The following PEPD variants were observed in gnomAD, a reference collection of about 807,000 sequenced individuals.
PEPD encodes peptidase D, also known as xaa-Pro dipeptidase.
PEPD carries 53 observed loss-of-function variants against 60.7 expected under a neutral mutation model. The ratio of observed to expected loss-of-function variants is 0.87; its 90% CI spans 0.70 to 1.10. The LOEUF (loss-of-function observed/expected upper bound fraction) is 1.10. Ranked by LOEUF, PEPD falls within the 50% of genes least tolerant of loss-of-function variation. PEPD has a pLI of 0.00. For missense variants in PEPD, 711 were observed against 711.9 expected, an observed-to-expected ratio of 1.00 and a Z score of 0.01; for synonymous variants, 267 against 284.1, an observed-to-expected ratio of 0.94 and a Z score of 0.60.
At chr19:33,505,122 G>A (rs1400469418) in intron 3 of PEPD, among the ~76,000 whole-genome samples, 3 of 152,186 alleles carry the variant, frequency 2.0e-5, no homozygotes, top group African/African-American at 7.2e-5. Context: ...AGCAGGTCTT[G>A]CTGGCTGGCT....
At chr19:33,468,899 G>A (rs1356940642) in intron 7 of PEPD, among the ~76,000 whole-genome samples, 1 of 152,196 alleles carries the variant, frequency 6.6e-6, no homozygotes, top group African/African-American at 2.4e-5. Flanking sequence ...CTGGGACCAG[G>A]CACTTGCTCC....
intron 1 of PEPD, 121 bp downstream of exon 1, chr19:33,521,623 G>C (rs1052365796): frequency 1.8e-6 from 2 of 1,111,042 alleles, no homozygotes; most frequent in African/African-American, 1.5e-5. Flanking sequence ...GGGCCAACGG[G>C]AAGAGGCGCC....
intron 3 of PEPD, among the ~76,000 whole-genome samples, chr19:33,509,989 T>C (rs1439547929): frequency 6.6e-6 from 1 of 152,164 alleles, no homozygotes; most frequent in Non-Finnish European, 1.5e-5. Context: ...ACACCCAGCA[T>C]ATCAGCGATG....
intron 9 of PEPD, among the ~76,000 whole-genome samples, chr19:33,422,910 T>C (rs914925335): frequency 2.0e-5 from 3 of 151,952 alleles, no homozygotes; most frequent in Non-Finnish European, 4.4e-5. Flanking sequence ...CATCTATTTC[T>C]GTATCTACCT....
chr19:33,464,386 A>G (rs1969981576), intron 7 of PEPD, among the ~76,000 whole-genome samples: 1 of 152,166 alleles, frequency 6.6e-6, no homozygotes, highest in East Asian at 1.9e-4. Flanking sequence ...GCCTCCCTCA[A>G]CCTCAGTTTC....
intron 11 of PEPD, among the ~76,000 whole-genome samples, chr19:33,406,055 G>T (rs1044307728): frequency 3.3e-5 from 5 of 152,224 alleles, no homozygotes; most frequent in African/African-American, 1.2e-4. Flanking sequence ...GAGCACTGTG[G>T]GGTGCCTCGT....
intron 9 of PEPD, among the ~76,000 whole-genome samples, chr19:33,433,854 G>T (rs1336257730): frequency 6.6e-6 from 1 of 152,250 alleles, no homozygotes; most frequent in Non-Finnish European, 1.5e-5. Context: ...CAGCGTTTCT[G>T]CCCGGAGTCT....
At chr19:33,416,435 C>T (rs1315512676) in intron 9 of PEPD, among the ~76,000 whole-genome samples, 2 of 152,190 alleles carry the variant, frequency 1.3e-5, no homozygotes, top group East Asian at 1.9e-4. Flanking sequence ...GGAGTGTCAC[C>T]GCCCCACTGC....
chr19:33,410,319 C>G (rs780998258), intron 11 of PEPD, among the ~76,000 whole-genome samples: 8 of 152,248 alleles, frequency 5.3e-5, no homozygotes, highest in Non-Finnish European at 7.3e-5. Flanking sequence ...GAGCGGGGAG[C>G]CCGGGCAGTC....
At chr19:33,395,227 C>G (rs1346855533) in intron 12 of PEPD, 1 of 152,446 alleles carries the variant, frequency 6.6e-6, no homozygotes, top group Non-Finnish European at 1.5e-5. Flanking sequence ...TCTGATTACC[C>G]CTTCCTGTAC....
intron 9 of PEPD, among the ~76,000 whole-genome samples, chr19:33,444,778 C>G (rs1969561128): frequency 6.6e-6 from 1 of 152,000 alleles, no homozygotes; most frequent in South Asian, 2.1e-4. Flanking sequence ...CTGTGTGGCC[C>G]ACTCCTCTCT....
intron 3 of PEPD, among the ~76,000 whole-genome samples, chr19:33,502,119 A>G (rs913860269): frequency 1.3e-5 from 2 of 152,124 alleles, no homozygotes; most frequent in Non-Finnish European, 2.9e-5. Context: ...TTAGTGACAG[A>G]GCTTACGCAA....
At chr19:33,455,118 A>G (rs1477337) in intron 9 of PEPD, among the ~76,000 whole-genome samples, 63,886 of 152,040 alleles carry the variant, frequency 0.42, 14,289 homozygotes, top group African/African-American at 0.58. Context: ...GGAGGAGGGC[A>G]TTAGGTAAAA....
At chr19:33,492,981 C>T (rs1459561543) in intron 5 of PEPD, among the ~76,000 whole-genome samples, 1 of 152,168 alleles carries the variant, frequency 6.6e-6, no homozygotes, top group African/African-American at 2.4e-5. Context: ...GGCTCAAGCA[C>T]GCCTCCCACC....
chr19:33,433,903 T>C (rs963415091), intron 9 of PEPD, among the ~76,000 whole-genome samples: 6 of 152,238 alleles, frequency 3.9e-5, no homozygotes, highest in Non-Finnish European at 8.8e-5. Flanking sequence ...GGTGTGTGTG[T>C]GCAAGCCTAT....
At chr19:33,393,998 A>C (rs1353668003) in intron 12 of PEPD, among the ~76,000 whole-genome samples, 1 of 152,164 alleles carries the variant, frequency 6.6e-6, no homozygotes, top group East Asian at 1.9e-4. Context: ...TTCTCCTTGC[A>C]CGGTCCATCC....
chr19:33,396,071 G>A (rs1968352034), intron 12 of PEPD: 1 of 152,596 alleles, frequency 6.6e-6, no homozygotes, highest in Admixed American at 6.5e-5. Context: ...AGTAAGAAGA[G>A]GCCAAGGAAC....
chr19:33,464,031 C>T lies in PEPD; in HGVS notation c.580G>A (p.Val194Ile). 1 of 1,613,494 alleles carries T rather than the reference C, an allele frequency of 6.2e-7. No homozygotes were observed. Among genetic ancestry groups the T allele is most frequent in the South Asian group, 1.1e-5 (1 of 90,980 alleles). The change falls in exon 8 of 15, where the codon GTT (valine) becomes ATT (isoleucine). Residue 194 changes from valine to isoleucine, a missense_variant. By Grantham distance (29) the Val-to-Ile change is conservative. Transcript: ENST00000244137. ...RVFKTDMELE[V>I]LRYTNKISSE... The stretch of plus-strand genomic sequence containing the variant: ...GAGATTTTATTGGTATAGCGCAGAA[C>T]CTCCAGCTCCATATCCGTCTTAAAC...
chr19:33,520,303 G>A (rs137899823), intron 1 of PEPD, among the ~76,000 whole-genome samples: 2,620 of 152,242 alleles, frequency 0.017, 62 homozygotes, highest in African/African-American at 0.06. Context: ...CCCTTTAAAA[G>A]GGTCACAGGC....
Sources: gnomAD v4.1 joint callset for allele counts (sites outside exome capture counted in the v4.1 genomes callset) on GRCh38, gnomAD v4.1.1 for gene constraint, MANE v1.5 for transcripts, NCBI Gene and HGNC (gene_info 2026-07-23, HGNC 2026-07-21) for gene names.